Variants in JAZF1 observed in about 807,000 individuals in gnomAD.
JAZF1 encodes juxtaposed with another zinc finger protein 1.
A neutral mutation model predicts 26.4 loss-of-function variants in JAZF1; 8 were observed. The ratio of observed to expected loss-of-function variants is 0.30; its 90% confidence interval spans 0.18 to 0.55. The LOEUF (loss-of-function observed/expected upper bound fraction) is 0.55. Among genes scored for constraint, JAZF1 ranks in the 20% least tolerant of loss-of-function variants. The probability of loss-of-function intolerance (pLI) is 0.94; values close to 1 mark genes in which losing one functional copy is unlikely to be tolerated. For synonymous variants in JAZF1, 126 were observed against 122.3 expected, an observed-to-expected ratio of 1.03 and a Z score of -0.20; for missense variants, 199 against 322.0, an observed-to-expected ratio of 0.62 and a Z score of 2.92.
intron 1 of JAZF1, among the ~76,000 whole-genome samples, chr7:28,054,393 G>C (rs1307857448): frequency 6.6e-6 from 1 of 152,136 alleles, no homozygotes; most frequent in Non-Finnish European, 1.5e-5. Context: ...TGGCAAGGCA[G>C]TCACCAGCAC....
At chr7:27,885,360 T>C (rs1205731321) in intron 3 of JAZF1, among the ~76,000 whole-genome samples, 4 of 152,244 alleles carry the variant, frequency 2.6e-5, no homozygotes, top group Admixed American at 6.5e-5. Context: ...AAAGGGTTAT[T>C]GCTACCTTTA....
At chr7:28,117,116 T>C (rs1207049398) in intron 1 of JAZF1, among the ~76,000 whole-genome samples, 1 of 152,240 alleles carries the variant, frequency 6.6e-6, no homozygotes, top group African/African-American at 2.4e-5. Flanking sequence ...TATTCATTTG[T>C]AGAAACTCTT....
chr7:28,021,216 G>T lies in JAZF1; in HGVS notation c.116-29235C>A, dbSNP rs141701230. On this transcript the variant is annotated intron_variant, in intron 1 of 4. Transcript: ENST00000283928. The stretch of plus-strand genomic sequence containing the variant: ...GACATCAGGAAAGACTCCCATGGGA[G>T]AGCAGCATTTTTTCTTTTAGGATGA... 4.8e-4 allele frequency among the ~76,000 whole-genome samples: 73 copies of T among 152,294 alleles called. 1 individual carries two copies. In the East Asian group the frequency reaches 0.014, roughly 29 times the overall value.
chr7:28,067,214 C>G (rs1562576081), intron 1 of JAZF1, among the ~76,000 whole-genome samples: 1 of 152,176 alleles, frequency 6.6e-6, no homozygotes, highest in Non-Finnish European at 1.5e-5. Context: ...TCTGAAAAAC[C>G]TGAATTAAGG....
chr7:28,076,268 A>G (rs1460121335), intron 1 of JAZF1, among the ~76,000 whole-genome samples: 2 of 152,238 alleles, frequency 1.3e-5, no homozygotes, highest in Admixed American at 6.5e-5. Flanking sequence ...TTAATGTTCA[A>G]CCACAATGGT....
intron 3 of JAZF1, among the ~76,000 whole-genome samples, chr7:27,862,806 A>C (rs1185228622): frequency 6.6e-6 from 1 of 152,192 alleles, no homozygotes; most frequent in South Asian, 2.1e-4. Context: ...TTTTGGGTGC[A>C]TGTGCGTGTT....
At chr7:27,842,873 G>A (rs929288632) in intron 3 of JAZF1, 1 of 152,002 alleles carries the variant, frequency 6.6e-6, no homozygotes, top group Non-Finnish European at 1.5e-5. Context: ...AATACCAAGA[G>A]CCATGAAACA....
intron 2 of JAZF1, among the ~76,000 whole-genome samples, chr7:27,920,010 G>C (rs1327990819): frequency 6.6e-6 from 1 of 152,142 alleles, no homozygotes; most frequent in Non-Finnish European, 1.5e-5. Flanking sequence ...TCTCTTACAG[G>C]AGTGAATGCC....
intron 2 of JAZF1, among the ~76,000 whole-genome samples, chr7:27,920,920 T>G (rs1784519258): frequency 6.6e-6 from 1 of 152,234 alleles, no homozygotes; most frequent in South Asian, 2.1e-4. Flanking sequence ...CCTGCCCGTT[T>G]TAAATTTGTG....
At chr7:28,060,783 T>G (rs1210296423) in intron 1 of JAZF1, among the ~76,000 whole-genome samples, 3 of 152,172 alleles carry the variant, frequency 2.0e-5, no homozygotes, top group African/African-American at 7.2e-5. Context: ...GGCCTAGAGT[T>G]TTCCTTCTGT....
chr7:27,931,591 G>T (rs1415709055), intron 2 of JAZF1, among the ~76,000 whole-genome samples: 1 of 152,154 alleles, frequency 6.6e-6, no homozygotes, highest in Non-Finnish European at 1.5e-5. Flanking sequence ...GAGGCAGGCA[G>T]ATCACCTGAG....
intron 3 of JAZF1, among the ~76,000 whole-genome samples, chr7:27,847,865 G>A (rs1783058042): frequency 6.6e-6 from 1 of 151,904 alleles, no homozygotes; most frequent in Non-Finnish European, 1.5e-5. Flanking sequence ...ACAGGGTTTT[G>A]CTATGTTGGC....
intron 3 of JAZF1, among the ~76,000 whole-genome samples, chr7:27,863,668 C>G (rs1583436745): frequency 6.6e-6 from 1 of 152,172 alleles, no homozygotes; most frequent in Non-Finnish European, 1.5e-5. Flanking sequence ...AATTGGCACT[C>G]AATATATATT....
At chr7:28,050,821 C>G (rs1030794831) in intron 1 of JAZF1, among the ~76,000 whole-genome samples, 6 of 152,220 alleles carry the variant, frequency 3.9e-5, no homozygotes, top group Admixed American at 3.9e-4. Flanking sequence ...CAGTCAATTT[C>G]TGCTAAAGGC....
intron 1 of JAZF1, among the ~76,000 whole-genome samples, chr7:28,125,396 C>A (rs1489184123): frequency 6.6e-6 from 1 of 152,082 alleles, no homozygotes; most frequent in Admixed American, 6.5e-5. Flanking sequence ...GCAGCACAAG[C>A]AGCTGAATTG....
chr7:28,110,451 A>C (rs1394429868), intron 1 of JAZF1, among the ~76,000 whole-genome samples: 1 of 52,032 alleles, frequency 1.9e-5, no homozygotes, highest in African/African-American at 7.4e-5. Flanking sequence ...AGAGAGAAAA[A>C]GGAAAGGAAA....
intron 2 of JAZF1, among the ~76,000 whole-genome samples, chr7:27,959,878 C>T (rs1325751766): frequency 2.1e-5 from 3 of 141,066 alleles, no homozygotes; most frequent in African/African-American, 8.1e-5. Flanking sequence ...CCAGCCTGGG[C>T]AACAGAGTGA....
chr7:27,993,873 A>G (rs1202401825), intron 1 of JAZF1, among the ~76,000 whole-genome samples: 1 of 152,174 alleles, frequency 6.6e-6, no homozygotes, highest in African/African-American at 2.4e-5. Context: ...TTGAAAGAAA[A>G]GGGCACCGTT....
At chr7:28,101,123 A>G (rs1784464318) in intron 1 of JAZF1, among the ~76,000 whole-genome samples, 1 of 152,232 alleles carries the variant, frequency 6.6e-6, no homozygotes, top group African/African-American at 2.4e-5. Flanking sequence ...TTCCTTCAGC[A>G]TTCCAGATAA....
Sources: allele counts gnomAD v4.1 joint callset (sites outside exome capture counted in the v4.1 genomes callset), GRCh38; gene constraint gnomAD v4.1.1; transcripts MANE v1.5; gene names NCBI Gene and HGNC (gene_info 2026-07-23, HGNC 2026-07-21).